The following ZP2 variants were observed in gnomAD, a reference collection of about 807,000 sequenced individuals.
The protein encoded by ZP2 is zona pellucida glycoprotein 2.
ZP2 carries 51 observed loss-of-function variants against 84.0 expected under a neutral mutation model. The ratio of observed to expected loss-of-function variants is 0.61; its 90% CI spans 0.49 to 0.77. The LOEUF is 0.77. Among genes scored for constraint, ZP2 ranks in the 30% least tolerant of loss-of-function variants. ZP2 has a pLI of 0.00. For missense variants in ZP2, 909 were observed against 911.9 expected (o/e 1.00, Z 0.04); for synonymous variants, 375 against 330.9 (o/e 1.13, Z -1.45).
chr16:21,211,934 T>A (rs1374561067), upstream of ZP2, among the ~76,000 whole-genome samples: 1 of 152,014 alleles, frequency 6.6e-6, no homozygotes, highest in East Asian at 1.9e-4. Context: ...ACTACATTTT[T>A]TTTTTTTTTT....
chr16:21,198,012 G>A (rs2093207494), intron 17 of ZP2, 163 bp from the exon 18 acceptor site: 2 of 619,404 alleles, frequency 3.2e-6, no homozygotes, highest in African/African-American at 1.8e-5. Context: ...GCCATAGCAT[G>A]TTAAGATGCA....
rs762294906 is a variant in ZP2, at chr16:21,197,506, C to T, written c.2212G>A (p.Glu738Lys). Residue 738 changes from glutamate to lysine, a missense_variant, in exon 19 of 19, where the codon GAG becomes AAG. By Grantham distance (56) the Glu-to-Lys change is moderately conservative. Coordinates refer to ENST00000574091, the MANE Select transcript of ZP2 (RefSeq NM_001376232.1). ...ATLGFIYYLY[E>K]KRTVSNH is the part of the protein sequence containing the mutation. The stretch of plus-strand genomic sequence containing the variant: ...TAGTGATTTGACACAGTCCTTTTCT[C>T]GTACAGGTAGTAGATGAAGCCTAGA... The T allele has an allele frequency of 1.9e-5, 31 of 1,614,030 alleles. No individual in the cohort carries two copies. The highest frequency in any genetic ancestry group is 4.0e-5 in the African/African-American group (3 of 74,920).
At chr16:21,202,482 T>C (rs980118976) in intron 10 of ZP2, among the ~76,000 whole-genome samples, 191 bp from the exon 11 acceptor site, 2 of 152,204 alleles carry the variant, frequency 1.3e-5, no homozygotes, top group South Asian at 4.1e-4. Flanking sequence ...TTGATTGTTC[T>C]ATGTGAGAGT....
At chr16:21,212,178 C>T (rs938209257), upstream of ZP2, among the ~76,000 whole-genome samples, 2 of 152,084 alleles carry the variant, frequency 1.3e-5, no homozygotes, top group South Asian at 2.1e-4. Context: ...CCACGTGCCT[C>T]GGCCTCCCAA....
chr16:21,199,537 A>G (rs752061968), intron 16 of ZP2, 33 bp downstream of exon 16: 1 of 1,518,508 alleles, frequency 6.6e-7, no homozygotes, highest in Non-Finnish European at 8.9e-7. Flanking sequence ...GCTTTGAATT[A>G]GACTCACAGA....
chr16:21,213,938 C>A, upstream of ZP2, among the ~76,000 whole-genome samples: 1 of 151,646 alleles, frequency 6.6e-6, no homozygotes, highest in African/African-American at 2.4e-5. Flanking sequence ...GACTCAGAGC[C>A]CTATTGAGAA....
Position 21,204,118 on chromosome 16 carries a change from T to G in ZP2, c.884A>C (p.Asp295Ala). Reference sequence around the variant, plus strand: ...TCCATTGTCATGCAGCTGGCTCACATCAATGTTCTGGTTTTCAAAGCTCAC... The same window carrying G: ...TCCATTGTCATGCAGCTGGCTCACAGCAATGTTCTGGTTTTCAAAGCTCAC... ...KSVSFENQNI[D>A]VSQLHDNGID... is the part of the protein sequence containing the mutation. Residue 295 changes from aspartate to alanine, a missense_variant, in exon 9 of 19, where the codon GAT (aspartate) becomes GCT (alanine). Transcript: ENST00000574091. 6.2e-7 allele frequency: 1 copy of G among 1,614,188 alleles called. No homozygotes were observed. Among genetic ancestry groups the G allele is most frequent in the Non-Finnish European group, 8.5e-7 (1 of 1,180,026 alleles).
rs770856405 is a variant in ZP2, at chr16:21,202,112, T to C, written c.1279A>G (p.Arg427Gly). 1 of 1,612,992 alleles carries C rather than the reference T, an allele frequency of 6.2e-7. No individual in the cohort carries two copies. Among genetic ancestry groups the C allele is most frequent in the African/African-American group, 1.3e-5 (1 of 74,838 alleles). Residue 427 changes from arginine to glycine, a missense_variant, in exon 11 of 19, where the codon AGA becomes GGA. Coordinates refer to ENST00000574091, the MANE Select transcript of ZP2 (RefSeq NM_001376232.1). ...CATCTGCCAGTACTAACCTTATATCTCGTTCCACATCCATTCAGGGGTATG... is the reference window on the plus strand; with the variant it reads ...CATCTGCCAGTACTAACCTTATATCCCGTTCCACATCCATTCAGGGGTATG... ...FHIPLNGCGT[R>G]YKFEDDKVVY...
upstream of ZP2, among the ~76,000 whole-genome samples, chr16:21,214,043 G>GT (rs2093283644): frequency 6.6e-6 from 1 of 151,906 alleles, no homozygotes; most frequent in African/African-American, 2.4e-5. Context: ...TCGAGATGGT[G>GT]TCTTTCTCCA....
At chr16:21,198,995 GT>G in intron 16 of ZP2, 133 bp from the exon 17 acceptor site, 1 of 791,938 alleles carries the variant, frequency 1.3e-6, no homozygotes. Flanking sequence ...TGCAGGCGAG[GT>G]TATGCCCTTT....
chr16:21,209,033 G>C (rs950848174), intron 4 of ZP2, among the ~76,000 whole-genome samples: 1 of 152,198 alleles, frequency 6.6e-6, no homozygotes, highest in African/African-American at 2.4e-5. Context: ...TGTGTTATGG[G>C]GAGGAGACTT....
rs2152856574 is a variant in ZP2 at position 21,209,735 on chromosome 16, C to T, written c.236-10G>A. On this transcript the variant is annotated splice_polypyrimidine_tract_variant and intron_variant, in intron 3 of 18. Transcript: ENST00000574091. ...TCGAGACCAAGAGGATCTGCCAAGG[C>T]CAGAGCAGGTTAGACAGGATGGCTG... The T allele has an allele frequency of 6.2e-7, 1 of 1,613,878 alleles. No homozygotes were observed. Among genetic ancestry groups the T allele is most frequent in the Non-Finnish European group, 8.5e-7 (1 of 1,179,816 alleles).
intron 14 of ZP2, 70 bp downstream of exon 14, chr16:21,201,299 G>C: frequency 7.2e-7 from 1 of 1,386,280 alleles, no homozygotes; most frequent in Non-Finnish European, 9.7e-7. Flanking sequence ...AAGCCCAAGA[G>C]GGTTTATTCC....
chr16:21,213,974 T>G (rs2093283340), upstream of ZP2, among the ~76,000 whole-genome samples: 1 of 151,912 alleles, frequency 6.6e-6, no homozygotes, highest in Non-Finnish European at 1.5e-5. Flanking sequence ...GATGGGTTAA[T>G]GTGCTTATTC....
At chr16:21,198,751 G>A (rs1473919567) in intron 17 of ZP2, 28 bp downstream of exon 17, 21 of 1,604,198 alleles carry the variant, frequency 1.3e-5, no homozygotes, top group Middle Eastern at 1.7e-4. Flanking sequence ...CTTGAATCCA[G>A]GAAGTACTCC....
In ZP2 at chr16:21,209,730, C is replaced by A. The variant is rs373869621; in HGVS notation, c.236-5G>T. ...GCATGTCGAGACCAAGAGGATCTGC[C>A]AAGGCCAGAGCAGGTTAGACAGGAT... On this transcript the variant is annotated splice_region_variant and splice_polypyrimidine_tract_variant and intron_variant, in intron 3 of 18. Transcript: ENST00000574091. 6 of 1,613,970 alleles carry A rather than the reference C, an allele frequency of 3.7e-6. No homozygotes were observed. The African/African-American group carries it at 8.0e-5, about 22-fold the overall frequency.
In ZP2 at chr16:21,210,053, T is replaced by C. The variant is rs2093267495; in HGVS notation, c.235+56A>G. ...CTCTGCTCCCCAAACAGGATTGACC[T>C]AAGCCAAAGGCTGTCTGCTAATCAG... On this transcript the variant is annotated intron_variant, in intron 3 of 18. Transcript: ENST00000574091. 3.3e-6 allele frequency: 5 copies of C among 1,529,046 alleles called. No homozygotes were observed. The African/African-American group carries it at 5.5e-5, about 17-fold the overall frequency. The allele number at this position is 1,529,046 out of a possible 1,614,324, so 94.7% of individuals were successfully genotyped here.
At chr16:21,203,837 G>A (rs368816567) in intron 9 of ZP2, 193 bp downstream of exon 9, 18 of 632,924 alleles carry the variant, frequency 2.8e-5, no homozygotes, top group African/African-American at 2.7e-4. Context: ...AAGAGGTTTT[G>A]TGTTAGAGAA....
At position 21,204,108 on chromosome 16, in the gene ZP2, C is replaced by T. The variant is rs2093238584; in HGVS notation, c.894G>A (p.Gln298=). 1.2e-6 allele frequency: 2 copies of T among 1,614,168 alleles called. No individual in the cohort carries two copies. Among genetic ancestry groups the T allele is most frequent in the Non-Finnish European group, 1.7e-6 (2 of 1,180,030 alleles). The change falls in exon 9 of 19, where the codon CAG becomes CAA. Residue 298 remains glutamine (Q), a synonymous_variant. Coordinates refer to ENST00000574091, the MANE Select transcript of ZP2 (RefSeq NM_001376232.1). ...CTAGATCAATTCCATTGTCATGCAGCTGGCTCACATCAATGTTCTGGTTTT... is the reference window on the plus strand; with the variant it reads ...CTAGATCAATTCCATTGTCATGCAGTTGGCTCACATCAATGTTCTGGTTTT... The part of the protein sequence containing the change: ...SFENQNIDVS[Q]LHDNGIDLEA...
Sources: gnomAD v4.1 joint callset for allele counts (sites outside exome capture counted in the v4.1 genomes callset) on GRCh38, gnomAD v4.1.1 for gene constraint, MANE v1.5 for transcripts, NCBI Gene and HGNC (gene_info 2026-07-23, HGNC 2026-07-21) for gene names.